Variants in PTPN9 observed in about 807,000 individuals in gnomAD.
PTPN9 encodes the protein protein tyrosine phosphatase non-receptor type 9.
In PTPN9, 26 loss-of-function variants were observed where a neutral mutation model predicts 69.8. The observed-to-expected ratio is 0.37, with a 90% CI of 0.27 to 0.52. PTPN9 has a LOEUF of 0.52. PTPN9 is among the 20% of genes least tolerant of loss of function. PTPN9 has a pLI of 0.91. For missense variants in PTPN9, 549 were observed against 740.3 expected, an observed-to-expected ratio of 0.74 and a Z score of 3.00; for synonymous variants, 274 against 272.5, an observed-to-expected ratio of 1.01 and a Z score of -0.05.
chr15:75,500,424 A>G (rs2074766623), intron 7 of PTPN9, among the ~76,000 whole-genome samples: 1 of 151,928 alleles, frequency 6.6e-6, no homozygotes, highest in South Asian at 2.1e-4. Context: ...CTGTAATTCC[A>G]TCTACTTGGG....
At chr15:75,473,921 T>C (rs757270863) in intron 9 of PTPN9, among the ~76,000 whole-genome samples, 154 bp from the exon 10 acceptor site, 4 of 152,152 alleles carry the variant, frequency 2.6e-5, no homozygotes, top group Non-Finnish European at 4.4e-5. Flanking sequence ...GTATAGTCCG[T>C]GGACCAATCA....
At chr15:75,548,239 T>C (rs1041428583) in intron 1 of PTPN9, among the ~76,000 whole-genome samples, 3 of 151,860 alleles carry the variant, frequency 2.0e-5, no homozygotes, top group Admixed American at 1.3e-4. Flanking sequence ...TAAATTAAAA[T>C]ATCATAATAT....
intron 5 of PTPN9, among the ~76,000 whole-genome samples, chr15:75,510,310 A>G (rs771581205): frequency 1.3e-5 from 2 of 152,162 alleles, no homozygotes; most frequent in Admixed American, 1.3e-4. Flanking sequence ...CAGTGGCACA[A>G]TCGCCACTCA....
At chr15:75,477,833 CTTTTTTT>C (rs1196645006) in intron 9 of PTPN9, among the ~76,000 whole-genome samples, 12 of 91,798 alleles carry the variant, frequency 1.3e-4, no homozygotes, top group African/African-American at 3.4e-4. Flanking sequence ...ATCAGATACT[CTTTTTTT>C]TTTTTTTTTT....
intron 5 of PTPN9, among the ~76,000 whole-genome samples, chr15:75,512,113 G>A (rs2074848342): frequency 6.6e-6 from 1 of 152,046 alleles, no homozygotes; most frequent in East Asian, 1.9e-4. Context: ...TCAAAGTGCT[G>A]GGATTACAGG....
intron 1 of PTPN9, among the ~76,000 whole-genome samples, chr15:75,556,307 C>A (rs368174612): frequency 1.3e-5 from 2 of 151,812 alleles, no homozygotes; most frequent in East Asian, 2.0e-4. Context: ...CGTGATCCCC[C>A]CTGCCTCGGC....
intron 1 of PTPN9, among the ~76,000 whole-genome samples, chr15:75,554,046 T>C (rs1336098458): frequency 1.3e-5 from 2 of 149,396 alleles, no homozygotes; most frequent in East Asian, 3.9e-4. Context: ...GACAGAATCT[T>C]GCTCTGTCAC....
chr15:75,558,178 A>C (rs2075085658), intron 1 of PTPN9, among the ~76,000 whole-genome samples: 1 of 152,164 alleles, frequency 6.6e-6, no homozygotes, highest in Non-Finnish European at 1.5e-5. Context: ...AAATACAAAA[A>C]TTAGCTGGGC....
intron 1 of PTPN9, among the ~76,000 whole-genome samples, chr15:75,554,174 A>G (rs900856341): frequency 2.7e-5 from 4 of 150,912 alleles, no homozygotes; most frequent in Non-Finnish European, 5.9e-5. Flanking sequence ...GTATGCCACC[A>G]TGCCCGGCTG....
Position 75,505,873 on chromosome 15 carries a change from T to A in PTPN9, c.770A>T (p.His257Leu). 6.2e-7 allele frequency: 1 copy of A among 1,614,078 alleles called. No individual in the cohort carries two copies. Among genetic ancestry groups the A allele is most frequent in the Non-Finnish European group, 8.5e-7 (1 of 1,180,028 alleles). Reference protein sequence around the residue: ...NFQFLPQVNGHPDPFDEIILF... With the variant: ...NFQFLPQVNGLPDPFDEIILF... Reference sequence around the variant, plus strand: ...GATGATCTCATCGAAGGGATCTGGGTGGCCGTTCACCTGGGGTAGGAACTG... The same window carrying A: ...GATGATCTCATCGAAGGGATCTGGGAGGCCGTTCACCTGGGGTAGGAACTG... The change falls in exon 7 of 13, where the codon CAC becomes CTC. Residue 257 changes from histidine (H) to leucine (L), a missense_variant. His to Leu is a moderately conservative substitution (Grantham distance 99, BLOSUM62 -3). Around this residue, in one of 3 missense-constraint regions of PTPN9, gnomAD observed 457 missense variants for 661.9 expected, o/e 0.69. Coordinates refer to ENST00000618819, the MANE Select transcript of PTPN9 (RefSeq NM_002833.4).
At chr15:75,549,277 T>C (rs989932588) in intron 1 of PTPN9, among the ~76,000 whole-genome samples, 1 of 152,170 alleles carries the variant, frequency 6.6e-6, no homozygotes, top group African/African-American at 2.4e-5. Flanking sequence ...CATGGCTCAC[T>C]GCAGTCTTGA....
chr15:75,540,706 T>C, intron 1 of PTPN9, among the ~76,000 whole-genome samples: 1 of 152,044 alleles, frequency 6.6e-6, no homozygotes, highest in East Asian at 1.9e-4. Flanking sequence ...TCCAGCATTT[T>C]GGGAGGCTGA....
intron 4 of PTPN9, among the ~76,000 whole-genome samples, chr15:75,518,162 A>G (rs2074881378): frequency 6.6e-6 from 1 of 152,146 alleles, no homozygotes; most frequent in Non-Finnish European, 1.5e-5. Flanking sequence ...GCTTAAGCCC[A>G]GGAATTTGAG....
At chr15:75,559,087 C>T (rs1312467773) in intron 1 of PTPN9, among the ~76,000 whole-genome samples, 2 of 151,516 alleles carry the variant, frequency 1.3e-5, no homozygotes, top group African/African-American at 2.4e-5. Flanking sequence ...AAGTGAGGAG[C>T]GTCTCTGCCC....
chr15:75,497,439 C>G (rs1233902501), intron 7 of PTPN9, among the ~76,000 whole-genome samples: 1 of 152,150 alleles, frequency 6.6e-6, no homozygotes, highest in Non-Finnish European at 1.5e-5. Flanking sequence ...CTGCCATAAG[C>G]TATGACAGTG....
At chr15:75,556,982 G>A (rs372050164) in intron 1 of PTPN9, among the ~76,000 whole-genome samples, 1 of 152,152 alleles carries the variant, frequency 6.6e-6, no homozygotes, top group South Asian at 2.1e-4. Context: ...TCATGAAGCC[G>A]AATGTTTCCA....
intron 1 of PTPN9, among the ~76,000 whole-genome samples, chr15:75,530,426 T>C (rs1428877146): frequency 3.8e-5 from 4 of 105,130 alleles, no homozygotes; most frequent in Non-Finnish European, 7.1e-5. Flanking sequence ...ATATATTATA[T>C]TATAATATAT....
chr15:75,517,247 C>T lies in PTPN9; in HGVS notation c.528+12G>A. 6.3e-7 allele frequency: 1 copy of T among 1,599,396 alleles called. No homozygotes were observed. Among genetic ancestry groups the T allele is most frequent in the Non-Finnish European group, 8.6e-7 (1 of 1,167,600 alleles). On this transcript the variant is annotated intron_variant, in intron 5 of 12. Transcript: ENST00000618819. ...ATTGAAGGAAACTTGAGAGGGCCCT[C>T]CATAGCCTTACCTTCAGCAGGTTTA...
At chr15:75,576,673 T>G (rs2075175228) in intron 1 of PTPN9, among the ~76,000 whole-genome samples, 2 of 151,830 alleles carry the variant, frequency 1.3e-5, no homozygotes, top group Admixed American at 1.3e-4. Context: ...CTGGGCATGG[T>G]GGCAGGCGCC....
Sources: allele counts gnomAD v4.1 joint callset (sites outside exome capture counted in the v4.1 genomes callset), GRCh38; gene constraint gnomAD v4.1.1; regional missense constraint gnomAD v4.1.1; transcripts MANE v1.5; gene names NCBI Gene and HGNC (gene_info 2026-07-23, HGNC 2026-07-21).